LINGO2: variants seen among roughly 807,000 people sequenced by gnomAD.
LINGO2 encodes leucine-rich repeat and immunoglobulin-like domain-containing nogo receptor-interacting protein 2.
A neutral mutation model predicts 30.6 loss-of-function variants in LINGO2; 14 were observed. That is an observed-to-expected ratio of 0.46 (90% confidence interval 0.30 to 0.72). The LOEUF is 0.72. LINGO2 is among the 30% of genes least tolerant of loss of function. LINGO2 has a pLI of 0.07. For synonymous variants in LINGO2, 317 were observed against 288.5 expected, an observed-to-expected ratio of 1.10 and a Z score of -1.00; for missense variants, 729 against 751.7, an observed-to-expected ratio of 0.97 and a Z score of 0.35.
chr9:28,152,364 T>C (rs1233995642), intron 4 of LINGO2, among the ~76,000 whole-genome samples: 1 of 152,082 alleles, frequency 6.6e-6, no homozygotes, highest in Non-Finnish European at 1.5e-5. Context: ...TGGCTCCTCT[T>C]CCGTTTCTGC....
chr9:28,312,569 T>C (rs918923027), intron 3 of LINGO2, among the ~76,000 whole-genome samples: 5 of 152,186 alleles, frequency 3.3e-5, no homozygotes, highest in African/African-American at 1.2e-4. Context: ...TGTAGTATCA[T>C]AATGCTTTAT....
chr9:28,255,257 G>C (rs1050597991), intron 4 of LINGO2, among the ~76,000 whole-genome samples: 1 of 148,298 alleles, frequency 6.7e-6, no homozygotes, highest in Admixed American at 6.8e-5. Flanking sequence ...AAATTATTTC[G>C]CTATTTCTAG....
intron 1 of LINGO2, among the ~76,000 whole-genome samples, chr9:28,519,588 G>A (rs1276831751): frequency 1.3e-5 from 2 of 152,182 alleles, no homozygotes; most frequent in East Asian, 1.9e-4. Flanking sequence ...ATGTAAACCA[G>A]TGATGCTGCA....
At chr9:28,971,452 A>G in the LINGO2 span, among the ~76,000 whole-genome samples, 1 of 151,970 alleles carries the variant, frequency 6.6e-6, no homozygotes, top group Non-Finnish European at 1.5e-5. Flanking sequence ...ATTAAGCACA[A>G]GCTTACTTGA....
At position 28,149,052 on chromosome 9, in the gene LINGO2, C is replaced by T. The variant is rs559803365; in HGVS notation, c.-86-136647G>A. On this transcript the variant is annotated intron_variant, in intron 4 of 5. Transcript: ENST00000379992. The stretch of plus-strand genomic sequence containing the variant: ...GAGGGGCCCCCACCGGCTAAGCTTC[C>T]ATGTCTATCTCCTGAGGCACTGTTG... 39 of 1,534,596 alleles carry T rather than the reference C, an allele frequency of 2.5e-5. 1 individual carries two copies. In the South Asian group the frequency reaches 4.4e-4, roughly 17 times the overall value.
At chr9:28,640,055 G>T (rs939471759) in intron 1 of LINGO2, among the ~76,000 whole-genome samples, 7 of 152,002 alleles carry the variant, frequency 4.6e-5, no homozygotes, top group African/African-American at 9.7e-5. Context: ...GTCTGTAAAG[G>T]ATTTTATTTC....
At chr9:28,751,316 A>T in the LINGO2 span, among the ~76,000 whole-genome samples, 2 of 147,178 alleles carry the variant, frequency 1.4e-5, no homozygotes, top group African/African-American at 5.1e-5. Flanking sequence ...AAAAGGGAAG[A>T]ATTTGATTCA....
intron 2 of LINGO2, among the ~76,000 whole-genome samples, chr9:28,454,616 C>G (rs968078799): frequency 6.6e-6 from 1 of 151,730 alleles, no homozygotes; most frequent in Non-Finnish European, 1.5e-5. Flanking sequence ...CATATATATT[C>G]TGTACTGTAT....
rs1455272578 is a variant in LINGO2 at position 27,987,068 on chromosome 9, G to A, written c.-36+25287C>T. Among the ~76,000 whole-genome samples the A allele has an allele frequency of 2.1e-5, 3 of 145,590 alleles. No individual in the cohort carries two copies. In the Admixed American group the frequency reaches 2.1e-4, roughly 10 times the overall value. On this transcript the variant is annotated intron_variant, in intron 5 of 5. Coordinates refer to ENST00000379992, the Ensembl canonical transcript of LINGO2. ...TGTGTGTGTGAGTTTCAGCAAAATTGTTAACTTTTCTACATGTCAGTCAAC... is the reference window on the plus strand; with the variant it reads ...TGTGTGTGTGAGTTTCAGCAAAATTATTAACTTTTCTACATGTCAGTCAAC...
chr9:29,087,427 A>G, the LINGO2 span, among the ~76,000 whole-genome samples: 1 of 152,224 alleles, frequency 6.6e-6, no homozygotes, highest in African/African-American at 2.4e-5. Flanking sequence ...TTTCTTGGAA[A>G]CTACATTATA....
intron 5 of LINGO2, among the ~76,000 whole-genome samples, chr9:27,967,120 T>G (rs953486259): frequency 4.6e-5 from 7 of 152,174 alleles, no homozygotes; most frequent in Admixed American, 1.3e-4. Context: ...TCAGACAAGA[T>G]AGCTGTCTTA....
the LINGO2 span, among the ~76,000 whole-genome samples, chr9:28,748,682 G>T: frequency 3.0e-4 from 45 of 151,994 alleles, no homozygotes; most frequent in Middle Eastern, 0.01. Flanking sequence ...TGTTGTTGTT[G>T]TTCTTGTTCT....
intron 3 of LINGO2, among the ~76,000 whole-genome samples, chr9:28,360,331 T>G (rs1236243918): frequency 6.6e-6 from 1 of 152,154 alleles, no homozygotes; most frequent in East Asian, 1.9e-4. Context: ...GTAGAGGTAG[T>G]TGGGGATTAG....
chr9:28,053,589 T>C (rs139879239), intron 4 of LINGO2, among the ~76,000 whole-genome samples: 13 of 152,170 alleles, frequency 8.5e-5, no homozygotes, highest in African/African-American at 3.1e-4. Context: ...ATCAAAACAC[T>C]GTGGCCAGTC....
the LINGO2 span, among the ~76,000 whole-genome samples, chr9:28,898,198 T>G: frequency 6.6e-6 from 1 of 152,184 alleles, no homozygotes; most frequent in Non-Finnish European, 1.5e-5. Flanking sequence ...TGAATAAACC[T>G]TAAATAATTC....
chr9:28,526,898 T>C (rs1821058787), intron 1 of LINGO2, among the ~76,000 whole-genome samples: 2 of 152,196 alleles, frequency 1.3e-5, no homozygotes. Flanking sequence ...CTAAAAATTA[T>C]AGGGAATGTT....
At chr9:29,213,588 C>T in the LINGO2 span, among the ~76,000 whole-genome samples, 1 of 152,078 alleles carries the variant, frequency 6.6e-6, no homozygotes, top group South Asian at 2.1e-4. Context: ...AGAGCTCGGG[C>T]TGCGCACACA....
chr9:29,080,078 CT>C, the LINGO2 span, among the ~76,000 whole-genome samples: 12 of 152,096 alleles, frequency 7.9e-5, no homozygotes, highest in African/African-American at 2.9e-4. Context: ...TGGTCCTGGA[CT>C]TTTTTTGGTT....
intron 2 of LINGO2, among the ~76,000 whole-genome samples, chr9:28,446,037 C>G (rs1824413072): frequency 6.6e-6 from 1 of 152,114 alleles, no homozygotes; most frequent in Admixed American, 6.5e-5. Context: ...CAAGACAGAG[C>G]AAGATAGAAC....
Sources: gnomAD v4.1 joint callset for allele counts (sites outside exome capture counted in the v4.1 genomes callset) on GRCh38, gnomAD v4.1.1 for gene constraint, MANE v1.5 for transcripts, NCBI Gene and HGNC (gene_info 2026-07-23, HGNC 2026-07-21) for gene names.